The following SPAG9 variants were observed in gnomAD, a reference collection of about 807,000 sequenced individuals.
SPAG9 encodes sperm associated antigen 9, also known as C-Jun-amino-terminal kinase-interacting protein 4.
SPAG9 carries 35 observed loss-of-function variants against 166.5 expected under a neutral mutation model. The ratio of observed to expected loss-of-function variants is 0.21; its 90% confidence interval spans 0.16 to 0.28. The LOEUF is 0.28. SPAG9 is among the 10% of genes least tolerant of loss of function. The probability of loss-of-function intolerance (pLI) is 1.00; values close to 1 mark genes in which losing one functional copy is unlikely to be tolerated. For missense variants in SPAG9, 1,235 were observed against 1,603.3 expected (o/e 0.77, Z 3.92); for synonymous variants, 534 against 565.5 (o/e 0.94, Z 0.79).
chr17:51,097,855 T>C (rs1232147251), intron 1 of SPAG9, among the ~76,000 whole-genome samples: 1 of 152,096 alleles, frequency 6.6e-6, no homozygotes, highest in Non-Finnish European at 1.5e-5. Context: ...GGAGTGCAGG[T>C]GACACGATCC....
In SPAG9 at chr17:50,998,022, AT is replaced by A. The variant is rs563896612; in HGVS notation, c.1838+421del. Among the ~76,000 whole-genome samples, 726 of 90,780 alleles carry A rather than the reference AT, an allele frequency of 8.0e-3. 3 individuals are homozygous for A. The highest frequency in any genetic ancestry group is 0.017 in the African/African-American group (406 of 23,426). 59.6% of individuals were successfully genotyped at this position (90,780 alleles called of 152,430 possible). A position where few individuals can be genotyped will look rare whatever the true frequency, so the allele number is the denominator to read the frequency against. Reference sequence around the variant, plus strand: ...TAAAGACAGCCAAGTTACAGAAATGATTTTTTTTTTTTTTTTTTTTTTTTTT... The same window carrying A: ...TAAAGACAGCCAAGTTACAGAAATGATTTTTTTTTTTTTTTTTTTTTTTTT... On this transcript the variant is annotated intron_variant, in intron 15 of 29. Transcript: ENST00000262013.
intron 1 of SPAG9, among the ~76,000 whole-genome samples, chr17:51,087,724 A>T (rs1342457630): frequency 6.6e-6 from 1 of 151,952 alleles, no homozygotes; most frequent in Non-Finnish European, 1.5e-5. Flanking sequence ...GTTTAATTTA[A>T]TTTTTAATTT....
At chr17:51,057,520 G>A (rs116144144) in intron 2 of SPAG9, among the ~76,000 whole-genome samples, 236 of 152,286 alleles carry the variant, frequency 1.5e-3, no homozygotes, top group African/African-American at 5.5e-3. Flanking sequence ...GCAGATAAAT[G>A]AATGTTTTAT....
chr17:51,010,239 C>A (rs559164711), intron 9 of SPAG9, among the ~76,000 whole-genome samples: 2 of 152,260 alleles, frequency 1.3e-5, no homozygotes, highest in South Asian at 4.1e-4. Flanking sequence ...TGCTCTCTTA[C>A]AAATTCACCT....
chr17:51,066,567 G>GAAAAAAAAAA lies in SPAG9; in HGVS notation c.425-10095_425-10086dup, dbSNP rs71149340. 6.9e-4 allele frequency among the ~76,000 whole-genome samples: 77 copies of GAAAAAAAAAA among 110,830 alleles called. 3 individuals carry two copies. Among genetic ancestry groups the GAAAAAAAAAA allele is most frequent in the South Asian group, 9.1e-4 (3 of 3,298 alleles). The allele number at this position is 110,830 out of a possible 152,430, so 72.7% of individuals were successfully genotyped here. A position where few individuals can be genotyped will look rare whatever the true frequency, so the allele number is the denominator to read the frequency against. On this transcript the variant is annotated intron_variant, in intron 2 of 29. Coordinates refer to ENST00000262013, the MANE Select transcript of SPAG9 (RefSeq NM_001130528.3). ...GAGACTCTGTCTCAAAAAAAAAAAAGAAAAAAAAAAAAAAGACCATGGCTC... is the reference window on the plus strand; with the variant it reads ...GAGACTCTGTCTCAAAAAAAAAAAAGAAAAAAAAAAAAAAAAAAAAAAAAGACCATGGCTC...
chr17:50,980,034 T>C, intron 25 of SPAG9, 117 bp from the exon 26 acceptor site: 1 of 819,192 alleles, frequency 1.2e-6, no homozygotes, highest in Non-Finnish European at 1.9e-6. Flanking sequence ...ATATTATATA[T>C]TAAACATGAT....
intron 1 of SPAG9, among the ~76,000 whole-genome samples, chr17:51,085,869 T>G: frequency 6.6e-6 from 1 of 152,082 alleles, no homozygotes; most frequent in East Asian, 1.9e-4. Flanking sequence ...CATCTTCAAG[T>G]TCTAAAAGAA....
intron 1 of SPAG9, among the ~76,000 whole-genome samples, chr17:51,106,804 A>T (rs867800577): frequency 1.8e-4 from 28 of 151,790 alleles, no homozygotes; most frequent in Middle Eastern, 3.4e-3. Context: ...CTTAATTTTT[A>T]AAAATAAAAA....
chr17:50,985,661 T>C (rs368651192), intron 23 of SPAG9, 37 bp downstream of exon 23: 16 of 1,202,986 alleles, frequency 1.3e-5, no homozygotes, highest in South Asian at 3.9e-5. Context: ...CCAAAATGCA[T>C]AGTTTTAACA....
chr17:51,113,284 C>T (rs1187787594), intron 1 of SPAG9, among the ~76,000 whole-genome samples: 2 of 139,608 alleles, frequency 1.4e-5, no homozygotes, highest in South Asian at 2.3e-4. Flanking sequence ...ATCTGGGAGG[C>T]GGAGGTTGCA....
rs1255347998 is a variant in SPAG9 at position 50,987,194 on chromosome 17, T to C, written c.2857A>G (p.Asn953Asp). Residue 953 changes from asparagine (N) to aspartate (D), a missense_variant, in exon 22 of 30, where the codon AAT (asparagine) becomes GAT (aspartate). Physicochemically the swap from Asn to Asp is conservative, Grantham distance 23. Coordinates refer to ENST00000262013, the MANE Select transcript of SPAG9 (RefSeq NM_001130528.3). The part of the protein sequence containing the change: ...AYKDQISVLP[N>D]EQDLVREEAQ... Reference sequence around the variant, plus strand: ...TCTTCTCTCACCAAGTCTTGTTCATTTGGCAGTACTGATATTTGATCTTTA... The same window carrying C: ...TCTTCTCTCACCAAGTCTTGTTCATCTGGCAGTACTGATATTTGATCTTTA... 2.5e-6 allele frequency: 4 copies of C among 1,613,184 alleles called. No individual in the cohort carries two copies. Among genetic ancestry groups the C allele is most frequent in the Non-Finnish European group, 3.4e-6 (4 of 1,179,702 alleles).
intron 13 of SPAG9, among the ~76,000 whole-genome samples, chr17:51,000,089 C>T (rs909227283): frequency 3.9e-5 from 6 of 152,124 alleles, no homozygotes; most frequent in African/African-American, 7.2e-5. Context: ...ATAAAAGTCT[C>T]TATCATCTAT....
intron 14 of SPAG9, 184 bp downstream of exon 14, chr17:50,999,477 G>C: frequency 6.7e-7 from 1 of 1,503,482 alleles, no homozygotes; most frequent in Non-Finnish European, 8.8e-7. Context: ...GAGCCTTACC[G>C]AGTTGGCACA....
At chr17:51,113,370 AAG>A (rs1376325570) in intron 1 of SPAG9, among the ~76,000 whole-genome samples, 1 of 147,514 alleles carries the variant, frequency 6.8e-6, no homozygotes, top group Admixed American at 6.8e-5. Context: ...AAAAAAAAAA[AAG>A]AAAGAAAAGA....
At chr17:51,041,455 G>A (rs1211926687) in intron 5 of SPAG9, 46 bp downstream of exon 5, 1 of 1,574,588 alleles carries the variant, frequency 6.4e-7, no homozygotes, top group Non-Finnish European at 8.7e-7. Flanking sequence ...GGATAAGAAA[G>A]TTTATGAAAT....
chr17:51,052,478 A>G (rs2047207758), intron 3 of SPAG9, among the ~76,000 whole-genome samples: 1 of 152,188 alleles, frequency 6.6e-6, no homozygotes, highest in Admixed American at 6.5e-5. Flanking sequence ...GAAGCTGCTC[A>G]TAACTGAGGG....
chr17:51,092,038 T>C (rs1323882390), intron 1 of SPAG9, among the ~76,000 whole-genome samples: 1 of 148,762 alleles, frequency 6.7e-6, no homozygotes, highest in Non-Finnish European at 1.5e-5. Context: ...GGAGTAAAGA[T>C]GCAGAAGAAA....
rs1161592026 is a variant in SPAG9, at chr17:51,053,855, GTATATATATATATATATATATATATATA to G, written c.495+2529_495+2556del. ...CCTAATTAAAAAAAAAAAAAAAAAA[GTATATATATATATATATATATATATATA>G]TATATATATATATATAAAACATATA... On this transcript the variant is annotated intron_variant, in intron 3 of 29. Transcript: ENST00000262013. 4.2e-3 allele frequency among the ~76,000 whole-genome samples: 159 copies of G among 37,752 alleles called. 2 individuals are homozygous for G. The highest frequency in any genetic ancestry group is 0.014 in the African/African-American group (135 of 9,524). 24.8% of individuals were successfully genotyped at this position (37,752 alleles called of 152,430 possible).
intron 1 of SPAG9, among the ~76,000 whole-genome samples, chr17:51,086,915 C>G (rs1243119223): frequency 6.6e-6 from 1 of 152,046 alleles, no homozygotes; most frequent in Non-Finnish European, 1.5e-5. Context: ...GAGTGAGACT[C>G]CGTCTCAAAA....
Sources: gnomAD v4.1 joint callset for allele counts (sites outside exome capture counted in the v4.1 genomes callset) on GRCh38, gnomAD v4.1.1 for gene constraint, MANE v1.5 for transcripts, NCBI Gene and HGNC (gene_info 2026-07-23, HGNC 2026-07-21) for gene names.